Variants in PRKG1 observed in about 807,000 individuals in gnomAD.
The protein encoded by PRKG1 is protein kinase cGMP-dependent 1.
Under a neutral mutation model 88.1 loss-of-function variants are expected in PRKG1, and 35 were observed. The observed-to-expected ratio is 0.40, with a 90% CI of 0.30 to 0.53. The LOEUF (loss-of-function observed/expected upper bound fraction) is 0.53. PRKG1 is among the 20% of genes least tolerant of loss of function. PRKG1 has a pLI of 0.59. For missense variants in PRKG1, 540 were observed against 839.8 expected (o/e 0.64, Z 4.41); for synonymous variants, 303 against 292.5 (o/e 1.04, Z -0.37).
At chr10:52,210,633 T>C (rs1839946681) in intron 9 of PRKG1, among the ~76,000 whole-genome samples, 1 of 152,232 alleles carries the variant, frequency 6.6e-6, no homozygotes, top group Admixed American at 6.5e-5. Context: ...TAAACATTTA[T>C]GGAATAAAAC....
chr10:51,740,712 C>CT (rs1554837328), intron 3 of PRKG1, among the ~76,000 whole-genome samples: 2 of 152,112 alleles, frequency 1.3e-5, no homozygotes, highest in Non-Finnish European at 2.9e-5. Context: ...CTCAAGGACT[C>CT]TAAGTGTTCC....
At chr10:51,474,485 A>C (rs563189195) in intron 3 of PRKG1, among the ~76,000 whole-genome samples, 1 of 152,120 alleles carries the variant, frequency 6.6e-6, no homozygotes, top group African/African-American at 2.4e-5. Flanking sequence ...GAAGGTCATA[A>C]GTTTAATGCC....
rs1021600337 is a variant in PRKG1, at chr10:51,626,173, G to A, written c.592+158337G>A. Among the ~76,000 whole-genome samples, 61 of 152,278 alleles carry A rather than the reference G, an allele frequency of 4.0e-4. 1 individual carries two copies. Among genetic ancestry groups the A allele is most frequent in the Non-Finnish European group, 6.5e-4 (44 of 68,022 alleles). On this transcript the variant is annotated intron_variant, in intron 3 of 17. Coordinates refer to ENST00000373980, the MANE Select transcript of PRKG1 (RefSeq NM_006258.4). ...TTACTACGATTGTGGGAATGACTGGGTAACCACTTTTCATGCATGTCACAA... is the reference window on the plus strand; with the variant it reads ...TTACTACGATTGTGGGAATGACTGGATAACCACTTTTCATGCATGTCACAA...
chr10:51,338,243 G>A (rs1841924304), intron 2 of PRKG1, among the ~76,000 whole-genome samples: 1 of 152,046 alleles, frequency 6.6e-6, no homozygotes, highest in Admixed American at 6.6e-5. Context: ...AGAGCATTAG[G>A]AAAAATAACT....
At chr10:51,490,724 G>T (rs1005143398) in intron 3 of PRKG1, among the ~76,000 whole-genome samples, 1 of 152,048 alleles carries the variant, frequency 6.6e-6, no homozygotes, top group Non-Finnish European at 1.5e-5. Context: ...TAATACAGGT[G>T]CAGAGAGATA....
intron 3 of PRKG1, among the ~76,000 whole-genome samples, chr10:51,803,601 T>A (rs990156606): frequency 6.6e-6 from 1 of 152,146 alleles, no homozygotes; most frequent in Non-Finnish European, 1.5e-5. Context: ...TTGAGAACTG[T>A]GAAGCAGAGA....
intron 1 of PRKG1, among the ~76,000 whole-genome samples, chr10:51,027,848 A>C (rs142949931): frequency 6.6e-6 from 1 of 152,074 alleles, no homozygotes. Flanking sequence ...CAACCCAGGA[A>C]CCCTTAATTG....
intron 2 of PRKG1, among the ~76,000 whole-genome samples, chr10:51,425,154 G>C (rs542335075): frequency 6.6e-6 from 1 of 152,164 alleles, no homozygotes; most frequent in African/African-American, 2.4e-5. Context: ...TTAACTCTGA[G>C]AACTATATAT....
At chr10:51,720,019 AG>A (rs1841974214) in intron 3 of PRKG1, among the ~76,000 whole-genome samples, 2 of 152,154 alleles carry the variant, frequency 1.3e-5, no homozygotes, top group Non-Finnish European at 2.9e-5. Context: ...TTGTTCTGGA[AG>A]TAGCCAAGAA....
At chr10:51,570,951 TTATAA>T (rs955748707) in intron 3 of PRKG1, among the ~76,000 whole-genome samples, 2 of 151,996 alleles carry the variant, frequency 1.3e-5, no homozygotes, top group Non-Finnish European at 2.9e-5. Context: ...ACATTTCGAC[TTATAA>T]TATAACAGGT....
In PRKG1 at chr10:51,734,052, A is replaced by C. The variant is rs766058180; in HGVS notation, c.593-70533A>C. Among the ~76,000 whole-genome samples, 34 of 152,190 alleles carry C rather than the reference A, an allele frequency of 2.2e-4. 1 individual carries two copies. Among genetic ancestry groups the C allele is most frequent in the Non-Finnish European group, 4.7e-4 (32 of 68,020 alleles). ...AGGTTCTTGTGATCACCTTTTTAAA[A>C]AAAGTATTTTAGCTTTTTTAAAAAA... On this transcript the variant is annotated intron_variant, in intron 3 of 17. Coordinates refer to ENST00000373980, the MANE Select transcript of PRKG1 (RefSeq NM_006258.4).
rs144802701 is a variant in PRKG1 at position 51,406,877 on chromosome 10, G to A, written c.479-60846G>A. Among the ~76,000 whole-genome samples the A allele has an allele frequency of 3.3e-5, 5 of 152,258 alleles. No individual in the cohort carries two copies. In the South Asian group the frequency reaches 6.2e-4, roughly 19 times the overall value. ...GAGTTTATTAAGTATTAACTCACAC[G>A]ATCAGAAGGTCCCACAATCAGCCGT... On this transcript the variant is annotated intron_variant, in intron 2 of 17. Transcript: ENST00000373980.
chr10:51,372,678 C>A (rs12773635), intron 2 of PRKG1, among the ~76,000 whole-genome samples: 1 of 152,042 alleles, frequency 6.6e-6, no homozygotes, highest in South Asian at 2.1e-4. Context: ...TAAAACATTA[C>A]AAATGGAAAT....
chr10:51,512,596 G>A, intron 3 of PRKG1, among the ~76,000 whole-genome samples: 1 of 81,734 alleles, frequency 1.2e-5, no homozygotes, highest in Non-Finnish European at 2.4e-5. Context: ...GTCTATCATT[G>A]TTGGACATTT....
intron 1 of PRKG1, among the ~76,000 whole-genome samples, chr10:51,062,086 T>C (rs568379220): frequency 9.8e-5 from 15 of 152,314 alleles, no homozygotes; most frequent in African/African-American, 3.4e-4. Flanking sequence ...TCTTCCTTCA[T>C]GGAGGATTTA....
At chr10:51,165,448 C>G (rs571899300) in intron 2 of PRKG1, among the ~76,000 whole-genome samples, 72 of 152,252 alleles carry the variant, frequency 4.7e-4, no homozygotes, top group African/African-American at 1.6e-3. Flanking sequence ...AAAATCATGC[C>G]AAATTGTAAA....
chr10:50,997,059 C>T (rs1220165212), intron 1 of PRKG1, among the ~76,000 whole-genome samples: 2 of 152,090 alleles, frequency 1.3e-5, no homozygotes, highest in Non-Finnish European at 2.9e-5. Context: ...TCAGTCAAGG[C>T]TGTACAGGAG....
chr10:52,098,460 G>C (rs1847222780), intron 7 of PRKG1, among the ~76,000 whole-genome samples: 1 of 152,134 alleles, frequency 6.6e-6, no homozygotes, highest in Non-Finnish European at 1.5e-5. Context: ...GCACTTTTGA[G>C]ATCCAGGTAC....
chr10:51,980,848 A>C (rs1843989186), intron 5 of PRKG1, among the ~76,000 whole-genome samples: 1 of 151,996 alleles, frequency 6.6e-6, no homozygotes, highest in African/African-American at 2.4e-5. Context: ...ATTTTTCTCC[A>C]TCCCTTTATT....
Sources: gnomAD v4.1 joint callset for allele counts (sites outside exome capture counted in the v4.1 genomes callset) on GRCh38, gnomAD v4.1.1 for gene constraint, MANE v1.5 for transcripts, NCBI Gene and HGNC (gene_info 2026-07-23, HGNC 2026-07-21) for gene names.